The following COL6A5 variants were observed in gnomAD, a reference collection of about 807,000 sequenced individuals.
COL6A5 encodes the protein collagen type VI alpha 5 chain.
Under a neutral mutation model 65.6 loss-of-function variants are expected in COL6A5, and 48 were observed. The ratio of observed to expected loss-of-function variants is 0.73; its 90% CI spans 0.58 to 0.93. COL6A5 has a LOEUF of 0.93. Among genes scored for constraint, COL6A5 ranks in the 40% least tolerant of loss-of-function variants. COL6A5 has a pLI of 0.00. For missense variants in COL6A5, 914 were observed against 928.3 expected (o/e 0.98, Z 0.20); for synonymous variants, 291 against 322.8 (o/e 0.90, Z 1.05).
intron 5 of COL6A5, among the ~76,000 whole-genome samples, chr3:130,466,037 ATTAG>A (rs1181220696): frequency 5.9e-5 from 9 of 152,094 alleles, no homozygotes; most frequent in Non-Finnish European, 1.0e-4. Context: ...TGAAAAGAGT[ATTAG>A]TTAGTTTCAG....
chr3:130,378,018 T>C (rs566882773), intron 3 of COL6A5, among the ~76,000 whole-genome samples: 4 of 152,260 alleles, frequency 2.6e-5, no homozygotes, highest in Non-Finnish European at 5.9e-5. Flanking sequence ...TTCTGCCTTC[T>C]AAGAACTCAC....
chr3:130,354,147 A>G (rs1021796421), intron 1 of COL6A5, among the ~76,000 whole-genome samples: 1 of 151,876 alleles, frequency 6.6e-6, no homozygotes, highest in Non-Finnish European at 1.5e-5. Flanking sequence ...AGGAAGGAAG[A>G]TTAGCATGAT....
At chr3:130,470,793 G>A in intron 6 of COL6A5, 78 bp from the exon 39 acceptor site, 1 of 1,074,572 alleles carries the variant, frequency 9.3e-7, no homozygotes. Flanking sequence ...CCAACCACGT[G>A]AAAACATGAT....
chr3:130,395,714 CT>C (rs1394227245), intron 8 of COL6A5, among the ~76,000 whole-genome samples: 2 of 152,216 alleles, frequency 1.3e-5, no homozygotes, highest in Non-Finnish European at 2.9e-5. Context: ...CTGGTCAGCC[CT>C]GTTCCCTCAC....
At chr3:130,397,743 G>T (rs747484194) in exon 9 of COL6A5, 9 of 1,551,602 alleles carry the variant, frequency 5.8e-6, no homozygotes, top group African/African-American at 4.1e-5. Context: ...CAGAGGCACA[G>T]GTGAGCTTGG....
intron 27 of COL6A5, among the ~76,000 whole-genome samples, chr3:130,422,423 A>G (rs560140666): frequency 1.3e-5 from 2 of 151,960 alleles, no homozygotes; most frequent in Admixed American, 6.6e-5. Context: ...CAATACTCCA[A>G]ATGTTTTTCT....
At position 130,410,529 on chromosome 3, in the gene COL6A5, G is replaced by A. The variant is rs537700765; in HGVS notation, c.4662+5G>A. 8 of 1,549,540 alleles carry A rather than the reference G, an allele frequency of 5.2e-6. No individual in the cohort carries two copies. In the East Asian group the frequency reaches 1.5e-4, roughly 28 times the overall value. On this transcript the variant is annotated splice_donor_5th_base_variant and intron_variant and NMD_transcript_variant, in intron 20 of 41. Coordinates refer to the COL6A5 transcript ENST00000312481. ...CCTAGTTCCAGAGGCAGCAGGGTAA[G>A]TATTTCTGTGGACATTTATTTCCCC... is the stretch of plus-strand genomic sequence containing the variant.
chr3:130,465,593 C>A (rs770955560), intron 5 of COL6A5, among the ~76,000 whole-genome samples: 7 of 152,238 alleles, frequency 4.6e-5, no homozygotes, highest in Non-Finnish European at 8.8e-5. Flanking sequence ...AAGGATCAGA[C>A]TCTTTCCATG....
At chr3:130,476,379 A>C (rs1341801516) in intron 7 of COL6A5, among the ~76,000 whole-genome samples, 2 of 152,150 alleles carry the variant, frequency 1.3e-5, no homozygotes, top group Non-Finnish European at 1.5e-5. Context: ...TCACTGTATA[A>C]ATTTGTGGGC....
intron 4 of COL6A5, among the ~76,000 whole-genome samples, chr3:130,383,113 C>A (rs1393408271): frequency 6.6e-6 from 1 of 151,982 alleles, no homozygotes; most frequent in Non-Finnish European, 1.5e-5. Flanking sequence ...TATATGAATG[C>A]ACAGGTGAGG....
chr3:130,394,980 T>G, exon 8 of COL6A5: 1 of 1,551,638 alleles, frequency 6.4e-7, no homozygotes, highest in East Asian at 2.4e-5. Flanking sequence ...ACAACTTTCT[T>G]GTCAGACTTA....
upstream of COL6A5, among the ~76,000 whole-genome samples, chr3:130,427,406 T>C (rs928085752): frequency 2.6e-5 from 4 of 151,966 alleles, no homozygotes; most frequent in African/African-American, 4.8e-5. Flanking sequence ...TCATTGCAAG[T>C]ATGTGGCAAG....
At chr3:130,459,724 T>TG (rs1709661904) in intron 5 of COL6A5, among the ~76,000 whole-genome samples, 1 of 148,112 alleles carries the variant, frequency 6.8e-6, no homozygotes, top group African/African-American at 2.6e-5. Flanking sequence ...GATTCTACTA[T>TG]ATTTTTTTTT....
At chr3:130,429,545 CA>C, upstream of COL6A5, 2 of 1,541,266 alleles carry the variant, frequency 1.3e-6, no homozygotes, top group Non-Finnish European at 1.8e-6. Context: ...AAGAAGGTAA[CA>C]AACTTTTCCC....
rs185530164 is a variant in COL6A5 at position 130,397,130 on chromosome 3, G to A, written c.3569-453G>A. ...GATCCACCTGCCTCGGCCTCCTAAA[G>A]TGCTGGGATTACAGGCTTAAGCCAC... On this transcript the variant is annotated intron_variant and NMD_transcript_variant, in intron 8 of 41. Coordinates refer to the COL6A5 transcript ENST00000312481. 5.4e-3 allele frequency among the ~76,000 whole-genome samples: 829 copies of A among 152,202 alleles called. 7 individuals carry two copies. Among genetic ancestry groups the A allele is most frequent in the Admixed American group, 0.012 (176 of 15,288 alleles).
chr3:130,403,129 AAC>A (rs995332231), intron 12 of COL6A5, among the ~76,000 whole-genome samples: 3 of 152,248 alleles, frequency 2.0e-5, no homozygotes, highest in Non-Finnish European at 4.4e-5. Flanking sequence ...AGTAAGCCAC[AAC>A]ACAGTTAAAC....
At chr3:130,473,696 A>G (rs1282158644) in intron 7 of COL6A5, among the ~76,000 whole-genome samples, 1 of 152,052 alleles carries the variant, frequency 6.6e-6, no homozygotes, top group Admixed American at 6.6e-5. Context: ...TCATGCCCCA[A>G]AAGCAAGTGT....
At chr3:130,361,110 C>A (rs1000358008) in intron 1 of COL6A5, among the ~76,000 whole-genome samples, 4 of 151,974 alleles carry the variant, frequency 2.6e-5, no homozygotes, top group African/African-American at 9.7e-5. Context: ...ATCCAAAGTC[C>A]AAAGTTTATG....
At position 130,445,594 on chromosome 3, in the gene COL6A5, C is replaced by T. The variant is rs921214059; in HGVS notation, c.1332+2028C>T. ...AGTTTTCCCTTCCCATACTCGCAGT[C>T]CAGACATGGCAATTGCCAATTTCCG... is the stretch of plus-strand genomic sequence containing the variant. On this transcript the variant is annotated intron_variant, in intron 4 of 7. Coordinates refer to ENST00000512836, the Ensembl canonical transcript of COL6A5. Among the ~76,000 whole-genome samples the T allele has an allele frequency of 2.0e-5, 3 of 152,110 alleles. No homozygotes were observed. The South Asian group carries it at 6.2e-4, about 32-fold the overall frequency.
Sources: gnomAD v4.1 joint callset for allele counts (sites outside exome capture counted in the v4.1 genomes callset) on GRCh38, gnomAD v4.1.1 for gene constraint, MANE v1.5 for transcripts, NCBI Gene and HGNC (gene_info 2026-07-23, HGNC 2026-07-21) for gene names.